The following ROBO1 variants were observed in gnomAD, a reference collection of about 807,000 sequenced individuals.
ROBO1 encodes the protein roundabout homolog 1.
ROBO1 carries 149 observed loss-of-function variants against 195.9 expected under a neutral mutation model. The ratio of observed to expected loss-of-function variants is 0.76; its 90% CI spans 0.67 to 0.87. The LOEUF is 0.87. Ranked by LOEUF, ROBO1 falls within the 40% of genes least tolerant of loss-of-function variation. The pLI is 0.00. For missense variants in ROBO1, 1,933 were observed against 2,068.3 expected (o/e 0.93, Z 1.27); for synonymous variants, 816 against 733.2 (o/e 1.11, Z -1.82).
At chr3:78,719,428 T>C (rs2081988030) in intron 5 of ROBO1, among the ~76,000 whole-genome samples, 1 of 152,156 alleles carries the variant, frequency 6.6e-6, no homozygotes, top group Admixed American at 6.5e-5. Context: ...GTTAGTACTT[T>C]TGAACATCCG....
intron 3 of ROBO1, among the ~76,000 whole-genome samples, chr3:79,107,685 TA>T (rs2079810190): frequency 2.0e-5 from 3 of 151,656 alleles, no homozygotes. Context: ...AGTGATTACT[TA>T]TGTAATCAGT....
chr3:79,076,012 C>T (rs1222511032), intron 3 of ROBO1, among the ~76,000 whole-genome samples: 1 of 151,316 alleles, frequency 6.6e-6, no homozygotes, highest in Non-Finnish European at 1.5e-5. Context: ...GCCAGAGCTG[C>T]CATTGCTATT....
At chr3:79,354,156 C>A (rs1343168695) in intron 2 of ROBO1, among the ~76,000 whole-genome samples, 1 of 152,138 alleles carries the variant, frequency 6.6e-6, no homozygotes, top group African/African-American at 2.4e-5. Flanking sequence ...ACTTCTACAA[C>A]ACTATAACAA....
At chr3:79,694,640 A>G (rs1273461589) in intron 1 of ROBO1, among the ~76,000 whole-genome samples, 1 of 151,788 alleles carries the variant, frequency 6.6e-6, no homozygotes, top group Non-Finnish European at 1.5e-5. Flanking sequence ...TTAGTAAATA[A>G]TTTACATTCA....
chr3:79,077,415 A>G (rs1410847794), intron 3 of ROBO1, among the ~76,000 whole-genome samples: 1 of 151,912 alleles, frequency 6.6e-6, no homozygotes, highest in African/African-American at 2.4e-5. Flanking sequence ...GAACACATAC[A>G]TGTATACATC....
chr3:78,828,098 G>C lies in ROBO1; in HGVS notation c.500-81198C>G, dbSNP rs186228188. On this transcript the variant is annotated intron_variant, in intron 4 of 30. Transcript: ENST00000464233. ...CCAAACTCTGTTGCTAGATTCGTTT[G>C]CTTTGTATAATCAGAGAAGTTTCAG... Among the ~76,000 whole-genome samples the C allele has an allele frequency of 5.7e-3, 869 of 152,264 alleles. 2 individuals carry two copies. The highest frequency in any genetic ancestry group is 8.4e-3 in the Non-Finnish European group (572 of 68,006).
At chr3:78,867,720 A>G (rs767700880) in intron 4 of ROBO1, among the ~76,000 whole-genome samples, 2 of 152,180 alleles carry the variant, frequency 1.3e-5, no homozygotes, top group African/African-American at 2.4e-5. Context: ...CAAATAACCC[A>G]GTGAGCTCTT....
intron 2 of ROBO1, among the ~76,000 whole-genome samples, chr3:79,504,354 T>G (rs1372845619): frequency 2.0e-5 from 3 of 152,086 alleles, no homozygotes; most frequent in Admixed American, 1.3e-4. Flanking sequence ...TATAAATATA[T>G]ATTCATATTT....
Position 78,938,601 on chromosome 3 carries a change from T to C in ROBO1, c.499A>G (p.Ile167Val). 1 of 1,603,084 alleles carries C rather than the reference T, an allele frequency of 6.2e-7. No individual in the cohort carries two copies. The highest frequency in any genetic ancestry group is 1.7e-4 in the Middle Eastern group (1 of 5,996). The change falls in exon 4 of 31, where the codon ATA becomes GTA. Residue 167 changes from isoleucine (I) to valine (V), a missense_variant and splice_region_variant. Ile to Val is a conservative substitution (Grantham distance 29). This residue lies in a region of ROBO1 where 1,737 missense variants were observed against 1,882.5 expected (regional missense o/e 0.92). Transcript: ENST00000464233. Reference protein sequence around the residue: ...VSHNASLEVAILRDDFRQNPS... With the variant: ...VSHNASLEVAVLRDDFRQNPS... ...AACACAGAGCGCCCAGTTTACTTAC[T>C]GGCTACTTCCAGCGATGCATTGTGG...
intron 16 of ROBO1, 92 bp downstream of exon 16, chr3:78,660,938 C>T (rs1266644063): frequency 3.7e-6 from 3 of 818,306 alleles, no homozygotes; most frequent in African/African-American, 3.5e-5. Flanking sequence ...TAATTAATGC[C>T]ACTATTAACA....
chr3:79,737,551 T>C (rs1703440062), intron 1 of ROBO1, among the ~76,000 whole-genome samples: 1 of 152,150 alleles, frequency 6.6e-6, no homozygotes, highest in Non-Finnish European at 1.5e-5. Flanking sequence ...TCTTAACTTA[T>C]ATCAGAAGGC....
intron 1 of ROBO1, among the ~76,000 whole-genome samples, chr3:79,710,429 A>G (rs1702223714): frequency 6.6e-6 from 1 of 152,180 alleles, no homozygotes; most frequent in Non-Finnish European, 1.5e-5. Flanking sequence ...GAAGCCAGAA[A>G]ACAGTCTAAC....
intron 4 of ROBO1, among the ~76,000 whole-genome samples, chr3:78,912,150 A>G (rs1486797215): frequency 1.3e-5 from 2 of 152,110 alleles, no homozygotes; most frequent in Non-Finnish European, 2.9e-5. Flanking sequence ...TTTACAGTTA[A>G]AAAACAGTTA....
At chr3:79,744,009 T>C (rs758701741) in intron 1 of ROBO1, among the ~76,000 whole-genome samples, 1 of 152,192 alleles carries the variant, frequency 6.6e-6, no homozygotes, top group African/African-American at 2.4e-5. Flanking sequence ...AAGAGTATAG[T>C]ATAGTAAATA....
intron 3 of ROBO1, among the ~76,000 whole-genome samples, chr3:79,034,562 G>A (rs527651073): frequency 2.6e-5 from 4 of 152,196 alleles, no homozygotes; most frequent in South Asian, 2.1e-4. Context: ...GTCTATGGTG[G>A]TATTAAAACA....
At chr3:79,484,223 G>C (rs1939025538) in intron 2 of ROBO1, among the ~76,000 whole-genome samples, 1 of 152,164 alleles carries the variant, frequency 6.6e-6, no homozygotes, top group Non-Finnish European at 1.5e-5. Flanking sequence ...CATGTTTAAA[G>C]TGATCCTGAG....
chr3:78,980,929 A>C (rs2107984453), intron 3 of ROBO1, among the ~76,000 whole-genome samples: 1 of 152,338 alleles, frequency 6.6e-6, no homozygotes, highest in East Asian at 1.9e-4. Flanking sequence ...AACTACTACC[A>C]ACATCCAAAC....
chr3:78,946,719 C>T (rs1199055442), intron 3 of ROBO1, among the ~76,000 whole-genome samples: 1 of 152,132 alleles, frequency 6.6e-6, no homozygotes, highest in African/African-American at 2.4e-5. Context: ...TTAAAAGACA[C>T]AGACTGACAA....
chr3:78,829,968 G>A (rs530332011), intron 4 of ROBO1, among the ~76,000 whole-genome samples: 2 of 152,246 alleles, frequency 1.3e-5, no homozygotes, highest in East Asian at 3.9e-4. Context: ...ACTTATGGGT[G>A]AATTTTACAG....
Sources: gnomAD v4.1 joint callset for allele counts (sites outside exome capture counted in the v4.1 genomes callset) on GRCh38, gnomAD v4.1.1 for gene constraint, gnomAD v4.1.1 regional missense constraint, MANE v1.5 for transcripts, NCBI Gene and HGNC (gene_info 2026-07-23, HGNC 2026-07-21) for gene names.